C14orf132: variants seen among roughly 807,000 people sequenced by gnomAD.
C14orf132 encodes uncharacterized protein C14orf132.
In C14orf132, 6 loss-of-function variants were observed where a neutral mutation model predicts 5.8. That is an observed-to-expected ratio of 1.03 (90% CI 0.57 to 2.04). C14orf132 has a LOEUF of 2.04. Ranked by LOEUF, C14orf132 falls within the 30% of genes most tolerant of loss-of-function variation. The pLI is 0.00. For synonymous variants in C14orf132, 51 were observed against 49.8 expected (o/e 1.02, Z -0.10); for missense variants, 125 against 115.8 (o/e 1.08, Z -0.37).
chr14:96,067,613 C>T (rs1157815433), intron 1 of C14orf132, among the ~76,000 whole-genome samples: 2 of 151,636 alleles, frequency 1.3e-5, no homozygotes, highest in Non-Finnish European at 1.5e-5. Flanking sequence ...GCAGGAGAAT[C>T]GCTTGAACCC....
At chr14:96,082,563 C>T (rs545013135) in intron 1 of C14orf132, among the ~76,000 whole-genome samples, 7 of 152,174 alleles carry the variant, frequency 4.6e-5, no homozygotes, top group Non-Finnish European at 1.0e-4. Flanking sequence ...GATGGAGCAA[C>T]AGGGCTGACC....
chr14:96,080,555 G>A (rs1426553837), intron 1 of C14orf132, among the ~76,000 whole-genome samples: 2 of 152,320 alleles, frequency 1.3e-5, no homozygotes, highest in African/African-American at 4.8e-5. Flanking sequence ...ACCACGCTTT[G>A]AAGATTTCCT....
At position 96,044,750 on chromosome 14, in the gene C14orf132, A is replaced by T. The variant is rs547607048; in HGVS notation, c.27+5223A>T. On this transcript the variant is annotated intron_variant, in intron 1 of 1. Transcript: ENST00000555004. ...CCTTGGCTTGTGGACACATTGCTGT[A>T]GTCTCTGCCTGCATCGTCATGTGGC... 1.6e-4 allele frequency among the ~76,000 whole-genome samples: 25 copies of T among 152,308 alleles called. 1 individual carries two copies. In the East Asian group the frequency reaches 2.7e-3, roughly 16 times the overall value.
chr14:96,071,797 G>A, intron 1 of C14orf132, among the ~76,000 whole-genome samples: 1 of 152,204 alleles, frequency 6.6e-6, no homozygotes, highest in East Asian at 1.9e-4. Flanking sequence ...ACAGCTGCAG[G>A]GAGGTGGGGC....
Position 96,090,411 on chromosome 14 carries a change from G to GA in C14orf132, c.*3687dup, listed in dbSNP as rs56392211. The GA allele has an allele frequency of 0.028, 6,724 of 236,362 alleles. 6 individuals are homozygous for GA. The highest frequency in any genetic ancestry group is 0.05 in the South Asian group (1,103 of 22,150). The allele number at this position is 236,362 out of a possible 1,614,324, so 14.6% of individuals were successfully genotyped here. A position where few individuals can be genotyped will look rare whatever the true frequency, so the allele number is the denominator to read the frequency against. On this transcript the variant is annotated 3_prime_UTR_variant, in exon 2 of 2. Coordinates refer to ENST00000555004, the MANE Select transcript of C14orf132 (RefSeq NM_001252507.3). ...GTCTCAAAAAAAAAAAAAAAGAAAA[G>GA]AAAAAAAAAAAGAGCAACTTACTGC...
At chr14:96,051,735 C>A (rs376464883) in intron 1 of C14orf132, among the ~76,000 whole-genome samples, 2 of 152,276 alleles carry the variant, frequency 1.3e-5, no homozygotes, top group East Asian at 3.9e-4. Flanking sequence ...AGGTTCCACC[C>A]GGGTCCTGCT....
At chr14:96,079,132 G>A (rs1227644642) in intron 1 of C14orf132, among the ~76,000 whole-genome samples, 4 of 152,210 alleles carry the variant, frequency 2.6e-5, no homozygotes, top group Non-Finnish European at 5.9e-5. Flanking sequence ...GGGAGTCATG[G>A]GGCCAGGCAG....
At chr14:96,047,231 G>C (rs1163754834) in intron 1 of C14orf132, among the ~76,000 whole-genome samples, 1 of 152,212 alleles carries the variant, frequency 6.6e-6, no homozygotes, top group African/African-American at 2.4e-5. Flanking sequence ...GTAATGAGCA[G>C]TTCAAGAAGT....
chr14:96,063,568 C>CA (rs1887427477), intron 1 of C14orf132, among the ~76,000 whole-genome samples: 1 of 152,138 alleles, frequency 6.6e-6, no homozygotes, highest in Admixed American at 6.5e-5. Context: ...CTCAGCCTCC[C>CA]AAAATGCTGG....
intron 1 of C14orf132, among the ~76,000 whole-genome samples, chr14:96,054,327 C>T (rs1023473989): frequency 4.6e-5 from 7 of 152,310 alleles, no homozygotes; most frequent in African/African-American, 7.2e-5. Flanking sequence ...TCCCCAGCCA[C>T]GGCATTCTCA....
chr14:96,072,179 A>G (rs1200894340), intron 1 of C14orf132, among the ~76,000 whole-genome samples: 1 of 152,250 alleles, frequency 6.6e-6, no homozygotes, highest in African/African-American at 2.4e-5. Flanking sequence ...GAGTTGTCGC[A>G]TGTTCTGCAG....
rs147787196 is a variant in C14orf132 at position 96,088,880 on chromosome 14, C to G, written c.*2145C>G. The G allele has an allele frequency of 1.2e-4, 19 of 152,444 alleles. No homozygotes were observed. Among genetic ancestry groups the G allele is most frequent in the African/African-American group, 4.3e-4 (18 of 41,598 alleles). 9.4% of individuals were successfully genotyped at this position (152,444 alleles called of 1,614,324 possible). A position where few individuals can be genotyped will look rare whatever the true frequency, so the allele number is the denominator to read the frequency against. On this transcript the variant is annotated 3_prime_UTR_variant, in exon 2 of 2. Transcript: ENST00000555004. ...GAAGAGGACTCCAGCATCCCAGGCA[C>G]CGGGTGCTTCTGGCTGCAGTTTTCC... is the stretch of plus-strand genomic sequence containing the variant.
At chr14:96,043,538 A>G (rs932319939) in intron 1 of C14orf132, among the ~76,000 whole-genome samples, 1 of 152,124 alleles carries the variant, frequency 6.6e-6, no homozygotes, top group Non-Finnish European at 1.5e-5. Context: ...TGTTGCCATT[A>G]GAATCACCTG....
At chr14:96,048,604 A>G (rs1886901112) in intron 1 of C14orf132, among the ~76,000 whole-genome samples, 1 of 151,936 alleles carries the variant, frequency 6.6e-6, no homozygotes, top group Non-Finnish European at 1.5e-5. Context: ...AGCTCATTGC[A>G]ATCTCTGCCC....
chr14:96,085,046 T>C (rs1888139329), intron 1 of C14orf132, among the ~76,000 whole-genome samples: 1 of 152,206 alleles, frequency 6.6e-6, no homozygotes, highest in Non-Finnish European at 1.5e-5. Flanking sequence ...CGGGAGTGCC[T>C]GGGCTCACAG....
At chr14:96,056,196 C>A (rs1033288445) in intron 1 of C14orf132, among the ~76,000 whole-genome samples, 7 of 152,186 alleles carry the variant, frequency 4.6e-5, no homozygotes, top group African/African-American at 1.2e-4. Flanking sequence ...AATTTGCAAG[C>A]CTCTTGCAGC....
At position 96,049,634 on chromosome 14, in the gene C14orf132, ATATACG is replaced by A. The variant is rs1295741704; in HGVS notation, c.27+10112_27+10117del. 1.6e-4 allele frequency among the ~76,000 whole-genome samples: 10 copies of A among 63,828 alleles called. 1 individual carries two copies. In the East Asian group the frequency reaches 2.3e-3, roughly 14 times the overall value. The allele number at this position is 63,828 out of a possible 152,430, so 41.9% of individuals were successfully genotyped here. ...TACATATATACGTATATATATACAT[ATATACG>A]TATATATATATATAGAGAGAGAGAG... On this transcript the variant is annotated intron_variant, in intron 1 of 1. Coordinates refer to ENST00000555004, the MANE Select transcript of C14orf132 (RefSeq NM_001252507.3).
Position 96,093,801 on chromosome 14 carries a change from A to G in C14orf132, c.*7066A>G, listed in dbSNP as rs1307804004. On this transcript the variant is annotated 3_prime_UTR_variant, in exon 2 of 2. Transcript: ENST00000555004. ...ATATCTAACCTTAAAAGACGTAAAA[A>G]TGTATCTGTGAAATCTCACTTTGTT... 6 of 152,378 alleles carry G rather than the reference A, an allele frequency of 3.9e-5. No homozygotes were observed. The highest frequency in any genetic ancestry group is 4.1e-4 in the South Asian group (2 of 4,828). 9.4% of individuals were successfully genotyped at this position (152,378 alleles called of 1,614,324 possible).
chr14:96,052,901 C>T (rs537682066), intron 1 of C14orf132, among the ~76,000 whole-genome samples: 13 of 152,276 alleles, frequency 8.5e-5, no homozygotes, highest in East Asian at 5.8e-4. Context: ...GGTAAGACGC[C>T]GGCTCAAGGT....
Sources: gnomAD v4.1 joint callset for allele counts (sites outside exome capture counted in the v4.1 genomes callset) on GRCh38, gnomAD v4.1.1 for gene constraint, MANE v1.5 for transcripts, NCBI Gene and HGNC (gene_info 2026-07-23, HGNC 2026-07-21) for gene names.